HEXB: variants seen among roughly 807,000 people sequenced by gnomAD.
HEXB encodes the protein beta-hexosaminidase subunit beta.
HEXB carries 51 observed loss-of-function variants against 71.2 expected under a neutral mutation model. The ratio of observed to expected loss-of-function variants is 0.72; its 90% CI spans 0.57 to 0.90. The LOEUF is 0.90. Among genes scored for constraint, HEXB ranks in the 40% least tolerant of loss-of-function variants. The probability of loss-of-function intolerance (pLI) is 0.00; values close to 1 mark genes in which losing one functional copy is unlikely to be tolerated. For synonymous variants in HEXB, 266 were observed against 249.3 expected (o/e 1.07, Z -0.63); for missense variants, 617 against 677.0 (o/e 0.91, Z 0.98).
chr5:74,664,773 CAAGTT>C (rs1748403842), intron 1 of HEXB, among the ~76,000 whole-genome samples: 1 of 151,974 alleles, frequency 6.6e-6, no homozygotes, highest in Non-Finnish European at 1.5e-5. Context: ...GCTCATCGTC[CAAGTT>C]AAGAGGCAAG....
intron 1 of HEXB, among the ~76,000 whole-genome samples, chr5:74,651,605 A>G (rs1748111810): frequency 6.6e-6 from 1 of 152,172 alleles, no homozygotes; most frequent in Non-Finnish European, 1.5e-5. Flanking sequence ...ACATTCAGGG[A>G]CATCACTTAA....
intron 1 of HEXB, among the ~76,000 whole-genome samples, chr5:74,670,278 C>T (rs1009598935): frequency 6.6e-6 from 1 of 151,348 alleles, no homozygotes; most frequent in African/African-American, 2.4e-5. Flanking sequence ...AGTCAGTACA[C>T]ACTCCCTATT....
chr5:74,712,434 AAT>A (rs988194643), intron 6 of HEXB, among the ~76,000 whole-genome samples: 7 of 108,880 alleles, frequency 6.4e-5, no homozygotes, highest in African/African-American at 2.3e-4. Flanking sequence ...GTATGATAAT[AAT>A]AAAAAAAAGA....
upstream of HEXB, among the ~76,000 whole-genome samples, chr5:74,681,584 A>G (rs1748739906): frequency 6.6e-6 from 1 of 152,242 alleles, no homozygotes; most frequent in Admixed American, 6.5e-5. Context: ...AACCATGAGT[A>G]TGTTAATATT....
At chr5:74,684,209 C>A (rs1015160081), upstream of HEXB, among the ~76,000 whole-genome samples, 1 of 152,236 alleles carries the variant, frequency 6.6e-6, no homozygotes, top group African/African-American at 2.4e-5. Context: ...TTTTGGTCTG[C>A]CTAGCGTTTT....
chr5:74,670,146 C>T (rs1748505656), intron 1 of HEXB, among the ~76,000 whole-genome samples: 1 of 152,114 alleles, frequency 6.6e-6, no homozygotes, highest in Non-Finnish European at 1.5e-5. Context: ...TTGATCCCCA[C>T]CCTTCACCTA....
chr5:74,674,689 G>C (rs1439318715), intron 1 of HEXB, among the ~76,000 whole-genome samples: 1 of 151,790 alleles, frequency 6.6e-6, no homozygotes, highest in Non-Finnish European at 1.5e-5. Flanking sequence ...TACAGAATGA[G>C]AAAAATAAGA....
chr5:74,709,277 G>A (rs1749480796), intron 6 of HEXB, among the ~76,000 whole-genome samples: 1 of 151,922 alleles, frequency 6.6e-6, no homozygotes, highest in South Asian at 2.1e-4. Context: ...AGAATCTCTG[G>A]GACACATTCA....
intron 1 of HEXB, among the ~76,000 whole-genome samples, chr5:74,645,220 C>T (rs972871733): frequency 1.3e-5 from 2 of 150,586 alleles, no homozygotes; most frequent in Admixed American, 1.3e-4. Context: ...TAGAGGTGAG[C>T]CCGTGCTAAG....
intron 6 of HEXB, 109 bp from the exon 7 acceptor site, chr5:74,713,397 A>T (rs1436229846): frequency 2.0e-6 from 2 of 990,900 alleles, no homozygotes; most frequent in Non-Finnish European, 3.2e-6. Flanking sequence ...ATACATTGTC[A>T]TAGTGAAAAA....
At chr5:74,720,379 T>C (rs766788589) in intron 11 of HEXB, 49 bp from the exon 12 acceptor site, 2 of 1,270,692 alleles carry the variant, frequency 1.6e-6, no homozygotes, top group Non-Finnish European at 1.2e-6. Context: ...ATATTGCCTC[T>C]GTGTATAAGC....
In HEXB at chr5:74,721,111, T is replaced by A; in HGVS notation, c.1614-7T>A. On this transcript the variant is annotated splice_polypyrimidine_tract_variant and splice_region_variant and intron_variant, in intron 13 of 13. Transcript: ENST00000261416. ...ATCTAAAATATCTTTATTCATGTTA[T>A]CTACAGACGTGGAATAGCTGCACAA... 6.2e-7 allele frequency: 1 copy of A among 1,601,754 alleles called. No homozygotes were observed. Among genetic ancestry groups the A allele is most frequent in the Non-Finnish European group, 8.6e-7 (1 of 1,168,878 alleles).
upstream of HEXB, chr5:74,685,139 C>T (rs1438020226): frequency 2.8e-5 from 6 of 210,906 alleles, no homozygotes; most frequent in Admixed American, 4.8e-4. Flanking sequence ...CGGGGGCGGG[C>T]GCGCGCAGTC....
chr5:74,681,648 G>T (rs1047805637), upstream of HEXB, among the ~76,000 whole-genome samples: 25 of 152,140 alleles, frequency 1.6e-4, no homozygotes, highest in African/African-American at 5.8e-4. Context: ...ATAACGGGGT[G>T]CAATAAAAAA....
chr5:74,695,830 G>C (rs1749100707), intron 3 of HEXB, among the ~76,000 whole-genome samples: 2 of 123,820 alleles, frequency 1.6e-5, no homozygotes. Flanking sequence ...GACAGAGCAA[G>C]ACTCCGTCTA....
At chr5:74,656,996 T>C (rs1748232292) in intron 1 of HEXB, among the ~76,000 whole-genome samples, 1 of 152,168 alleles carries the variant, frequency 6.6e-6, no homozygotes, top group African/African-American at 2.4e-5. Context: ...CTGGATTCCA[T>C]TGCTTTCCAC....
At position 74,720,673 on chromosome 5, in the gene HEXB, C is replaced by A. The variant is rs1258974496; in HGVS notation, c.1539C>A (p.Leu513=). 1 of 1,614,016 alleles carries A rather than the reference C, an allele frequency of 6.2e-7. No individual in the cohort carries two copies. Among genetic ancestry groups the A allele is most frequent in the Admixed American group, 1.7e-5 (1 of 59,996 alleles). The change falls in exon 13 of 14, where the codon CTC becomes CTA. Residue 513 remains leucine (L), a synonymous_variant. Transcript: ENST00000261416. ...GGGCAAGTGCTGTTGGTGAGAGACT[C>A]TGGAGTTCCAAAGATGTCAGAGATA... ...WPRASAVGER[L]WSSKDVRDMD...
rs141451127 is a variant in HEXB, at chr5:74,712,849, C to T, written c.772-657C>T. ...GTTTGAGAAATGTGCTAAGGAACAGCTCACAACTTTAGTTACAAACAATAT... is the reference window on the plus strand; with the variant it reads ...GTTTGAGAAATGTGCTAAGGAACAGTTCACAACTTTAGTTACAAACAATAT... On this transcript the variant is annotated intron_variant, in intron 6 of 13. Coordinates refer to ENST00000261416, the MANE Select transcript of HEXB (RefSeq NM_000521.4). Among the ~76,000 whole-genome samples the T allele has an allele frequency of 5.9e-3, 904 of 152,196 alleles. 10 individuals are homozygous for T. Among genetic ancestry groups the T allele is most frequent in the African/African-American group, 0.021 (871 of 41,498 alleles).
At chr5:74,658,265 G>T (rs1292629417) in intron 1 of HEXB, among the ~76,000 whole-genome samples, 2 of 152,210 alleles carry the variant, frequency 1.3e-5, no homozygotes, top group Non-Finnish European at 2.9e-5. Context: ...TCCTCCTCCA[G>T]AATGTCCCTG....
Sources: gnomAD v4.1 joint callset for allele counts (sites outside exome capture counted in the v4.1 genomes callset) on GRCh38, gnomAD v4.1.1 for gene constraint, MANE v1.5 for transcripts, NCBI Gene and HGNC (gene_info 2026-07-23, HGNC 2026-07-21) for gene names.